THSD7B: variants seen among roughly 807,000 people sequenced by gnomAD.
THSD7B encodes the protein thrombospondin type 1 domain containing 7B.
A neutral mutation model predicts 213.6 loss-of-function variants in THSD7B; 138 were observed. The ratio of observed to expected loss-of-function variants is 0.65; its 90% CI spans 0.56 to 0.74. The LOEUF (loss-of-function observed/expected upper bound fraction) is 0.74, where lower values mean the gene tolerates loss of function less well. Among genes scored for constraint, THSD7B ranks in the 30% least tolerant of loss-of-function variants. The pLI, the probability that THSD7B is intolerant of heterozygous loss-of-function variation, is 0.00. For synonymous variants in THSD7B, 742 were observed against 687.0 expected (o/e 1.08, Z -1.25); for missense variants, 1,931 against 1,991.5 (o/e 0.97, Z 0.58).
intron 4 of THSD7B, among the ~76,000 whole-genome samples, chr2:137,112,687 A>C (rs1372090597): frequency 6.6e-6 from 1 of 152,098 alleles, no homozygotes; most frequent in African/African-American, 2.4e-5. Flanking sequence ...CTGTTGCTGG[A>C]ACTTAGACCA....
chr2:136,817,648 G>A (rs1323609772), intron 1 of THSD7B, among the ~76,000 whole-genome samples: 1 of 151,380 alleles, frequency 6.6e-6, no homozygotes, highest in Non-Finnish European at 1.5e-5. Flanking sequence ...GTTTTTCTCA[G>A]GTTTGTCAAA....
intron 2 of THSD7B, among the ~76,000 whole-genome samples, chr2:137,006,399 A>AATACATACATACATAC (rs60604756): frequency 6.7e-6 from 1 of 149,348 alleles, no homozygotes. Context: ...CGTCTCAAGA[A>AATACATACATACATAC]ATACATACAT....
chr2:137,294,337 CTT>C (rs1683406132), intron 12 of THSD7B, among the ~76,000 whole-genome samples: 1 of 151,904 alleles, frequency 6.6e-6, no homozygotes, highest in Non-Finnish European at 1.5e-5. Flanking sequence ...AATCCCAGCA[CTT>C]TGGGAGGCCG....
At chr2:137,381,574 G>A (rs1415981792) in intron 12 of THSD7B, among the ~76,000 whole-genome samples, 1 of 152,198 alleles carries the variant, frequency 6.6e-6, no homozygotes, top group Admixed American at 6.5e-5. Flanking sequence ...GTACCAAGGG[G>A]TCCATGCTGT....
intron 14 of THSD7B, among the ~76,000 whole-genome samples, chr2:137,435,193 T>C (rs1329554921): frequency 6.6e-6 from 1 of 152,190 alleles, no homozygotes; most frequent in East Asian, 1.9e-4. Flanking sequence ...TGCAGTTAAT[T>C]AACTTCATAA....
intron 12 of THSD7B, among the ~76,000 whole-genome samples, chr2:137,355,625 T>G (rs1418794149): frequency 6.6e-6 from 1 of 152,168 alleles, no homozygotes; most frequent in African/African-American, 2.4e-5. Flanking sequence ...CAAGAGTGCT[T>G]TTAAAATCAG....
chr2:137,576,969 C>G (rs1003048677), intron 17 of THSD7B, among the ~76,000 whole-genome samples: 2 of 152,068 alleles, frequency 1.3e-5, no homozygotes, highest in Admixed American at 6.6e-5. Context: ...GCTCTAAGCA[C>G]TTCCTCAACC....
At chr2:137,165,518 G>T (rs1680109351) in intron 6 of THSD7B, among the ~76,000 whole-genome samples, 1 of 152,094 alleles carries the variant, frequency 6.6e-6, no homozygotes, top group Admixed American at 6.5e-5. Flanking sequence ...TCTGTCCCAT[G>T]ATTCTACTGT....
intron 15 of THSD7B, among the ~76,000 whole-genome samples, chr2:137,459,731 G>T (rs1281788906): frequency 1.3e-5 from 2 of 151,956 alleles, no homozygotes; most frequent in Non-Finnish European, 1.5e-5. Context: ...TAGGTCTTTT[G>T]AAATCTGGAG....
chr2:137,633,494 G>A (rs559065661), intron 20 of THSD7B, among the ~76,000 whole-genome samples: 12 of 152,114 alleles, frequency 7.9e-5, no homozygotes, highest in African/African-American at 1.2e-4. Flanking sequence ...TAACTAGAGC[G>A]TAGTATCTGA....
At chr2:137,505,802 G>A (rs1679820573) in intron 15 of THSD7B, among the ~76,000 whole-genome samples, 1 of 152,224 alleles carries the variant, frequency 6.6e-6, no homozygotes. Flanking sequence ...TAGCACCAGG[G>A]CTGTCAGGAA....
At chr2:137,546,549 T>G (rs1453417678) in intron 15 of THSD7B, among the ~76,000 whole-genome samples, 63 of 122,414 alleles carry the variant, frequency 5.1e-4, no homozygotes, top group African/African-American at 1.8e-3. Flanking sequence ...TTTACAAACG[T>G]TTTTCTTTCT....
At chr2:137,637,968 T>A (rs991050892) in intron 20 of THSD7B, among the ~76,000 whole-genome samples, 3 of 152,204 alleles carry the variant, frequency 2.0e-5, no homozygotes, top group African/African-American at 7.2e-5. Flanking sequence ...TTGAAGAGTA[T>A]TTAAGCAAAA....
Position 137,232,811 on chromosome 2 carries a change from C to T in THSD7B, c.1916-88C>T, listed in dbSNP as rs797020542. The T allele has an allele frequency of 1.1e-5, 13 of 1,236,808 alleles. No homozygotes were observed. In the African/African-American group the frequency reaches 1.8e-4, roughly 17 times the overall value. 76.6% of individuals were successfully genotyped at this position (1,236,808 alleles called of 1,614,324 possible). Reference sequence around the variant, plus strand: ...TCTTTGGAAGGCTGTGTCAGCAAAGCTGTCTCTCTAGACCATTAAAGCAGC... The same window carrying T: ...TCTTTGGAAGGCTGTGTCAGCAAAGTTGTCTCTCTAGACCATTAAAGCAGC... On this transcript the variant is annotated intron_variant, in intron 8 of 27. Transcript: ENST00000409968.
intron 1 of THSD7B, among the ~76,000 whole-genome samples, chr2:136,798,422 C>T (rs897092879): frequency 6.6e-6 from 1 of 151,770 alleles, no homozygotes; most frequent in Non-Finnish European, 1.5e-5. Flanking sequence ...TTGAAGGGAG[C>T]GATTATGATG....
chr2:137,165,289 C>T (rs1017213978), intron 6 of THSD7B, among the ~76,000 whole-genome samples: 1 of 152,164 alleles, frequency 6.6e-6, no homozygotes, highest in African/African-American at 2.4e-5. Context: ...TAAATGCTCC[C>T]CTAGAGCAGA....
intron 3 of THSD7B, among the ~76,000 whole-genome samples, chr2:137,075,496 T>G: frequency 6.6e-6 from 1 of 152,202 alleles, no homozygotes; most frequent in Non-Finnish European, 1.5e-5. Flanking sequence ...TCTAATTTTT[T>G]TTCAAAGCTT....
intron 2 of THSD7B, among the ~76,000 whole-genome samples, chr2:136,947,576 T>C (rs1684966122): frequency 6.6e-6 from 1 of 152,198 alleles, no homozygotes; most frequent in Non-Finnish European, 1.5e-5. Flanking sequence ...ATTATTCTAT[T>C]TGAAGATTAT....
chr2:136,844,482 G>GAC (rs1682969409), intron 1 of THSD7B, among the ~76,000 whole-genome samples: 2 of 149,242 alleles, frequency 1.3e-5, no homozygotes, highest in African/African-American at 2.5e-5. Flanking sequence ...GAGAGAGAGA[G>GAC]AGAGAGAGAG....
Sources: allele counts gnomAD v4.1 joint callset (sites outside exome capture counted in the v4.1 genomes callset), GRCh38; gene constraint gnomAD v4.1.1; transcripts MANE v1.5; gene names NCBI Gene and HGNC (gene_info 2026-07-23, HGNC 2026-07-21).